Variants in ABCB5 observed in about 807,000 individuals in gnomAD.
The protein encoded by ABCB5 is ATP-binding cassette sub-family B member 5.
A neutral mutation model predicts 144.2 loss-of-function variants in ABCB5; 155 were observed. The ratio of observed to expected loss-of-function variants is 1.08; its 90% confidence interval spans 0.94 to 1.23. ABCB5 has a LOEUF of 1.23. ABCB5 is among the 50% of genes most tolerant of loss of function. The pLI, the probability that ABCB5 is intolerant of heterozygous loss-of-function variation, is 0.00. For missense variants in ABCB5, 1,830 were observed against 1,520.8 expected, an observed-to-expected ratio of 1.20 and a Z score of -3.38; for synonymous variants, 610 against 528.6, an observed-to-expected ratio of 1.15 and a Z score of -2.11.
At chr7:20,725,736 T>A (rs1782016554) in intron 21 of ABCB5, among the ~76,000 whole-genome samples, 2 of 152,202 alleles carry the variant, frequency 1.3e-5, no homozygotes, top group Non-Finnish European at 2.9e-5. Flanking sequence ...TTGTTTTTCC[T>A]CAAAATTTTT....
intron 14 of ABCB5, among the ~76,000 whole-genome samples, chr7:20,662,750 C>T (rs926679729): frequency 3.9e-5 from 6 of 152,154 alleles, no homozygotes; most frequent in African/African-American, 1.4e-4. Flanking sequence ...AATTCTAAGC[C>T]ACTAACTTCT....
chr7:20,751,587 T>A (rs1782932516), intron 26 of ABCB5, among the ~76,000 whole-genome samples: 1 of 152,250 alleles, frequency 6.6e-6, no homozygotes, highest in Non-Finnish European at 1.5e-5. Context: ...TGATTCCTAG[T>A]TTTGTATGTT....
chr7:20,743,064 A>G lies in ABCB5; in HGVS notation c.3212A>G (p.Gln1071Arg), dbSNP rs777408654. Residue 1071 changes from glutamine (Q) to arginine (R), a missense_variant, in exon 25 of 28, where the codon CAA becomes CGA. By Grantham distance (43) the Gln-to-Arg change is conservative (BLOSUM62 1). Coordinates refer to ENST00000404938, the MANE Select transcript of ABCB5 (RefSeq NM_001163941.2). ...CTGCAGAGACTTTATGACCCCGTGC[A>G]AGGACAAGTGGTAAGACAGAACTGA... is the stretch of plus-strand genomic sequence containing the variant. ...QLLQRLYDPVQGQVLFDGVDA... is the reference protein window; with the variant it reads ...QLLQRLYDPVRGQVLFDGVDA... 1 of 1,613,980 alleles carries G rather than the reference A, an allele frequency of 6.2e-7. No individual in the cohort carries two copies. Among genetic ancestry groups the G allele is most frequent in the South Asian group, 1.1e-5 (1 of 91,052 alleles).
chr7:20,721,880 G>A (rs75408338), intron 20 of ABCB5, among the ~76,000 whole-genome samples: 2,415 of 152,054 alleles, frequency 0.016, 61 homozygotes, highest in African/African-American at 0.055. Context: ...TTTACTCTCC[G>A]TGAAATAGAA....
At chr7:20,672,269 T>G (rs1008552722) in intron 14 of ABCB5, among the ~76,000 whole-genome samples, 21 of 152,186 alleles carry the variant, frequency 1.4e-4, no homozygotes, top group African/African-American at 5.1e-4. Context: ...GGCTTTCTAT[T>G]GTCTTAAGTG....
intron 14 of ABCB5, among the ~76,000 whole-genome samples, chr7:20,673,083 TA>T (rs1278787833): frequency 1.3e-5 from 2 of 152,186 alleles, no homozygotes; most frequent in East Asian, 1.9e-4. Context: ...ATTTTCCAGA[TA>T]TTTTTTCTGT....
rs575632118 is a variant in ABCB5 at position 20,733,268 on chromosome 7, T to G, written c.2867+4813T>G. On this transcript the variant is annotated intron_variant, in intron 23 of 27. Coordinates refer to ENST00000404938, the MANE Select transcript of ABCB5 (RefSeq NM_001163941.2). The stretch of plus-strand genomic sequence containing the variant: ...GTGAAATTATTTTTTAAATAATTCT[T>G]GCTTAGTTTTTCAAACATTCGAGTA... 3.3e-5 allele frequency among the ~76,000 whole-genome samples: 5 copies of G among 152,238 alleles called. No individual in the cohort carries two copies. In the South Asian group the frequency reaches 1.0e-3, roughly 32 times the overall value.
At chr7:20,682,200 T>C (rs2128039278) in intron 15 of ABCB5, among the ~76,000 whole-genome samples, 1 of 152,156 alleles carries the variant, frequency 6.6e-6, no homozygotes, top group African/African-American at 2.4e-5. Context: ...CGAGACTCCA[T>C]TTCAAAAAAA....
intron 26 of ABCB5, among the ~76,000 whole-genome samples, chr7:20,751,142 C>A (rs1336557461): frequency 1.3e-5 from 2 of 152,154 alleles, no homozygotes; most frequent in Non-Finnish European, 2.9e-5. Flanking sequence ...TATTAAGGAG[C>A]CATTACCCCT....
At chr7:20,741,522 T>C (rs1404811146) in intron 24 of ABCB5, among the ~76,000 whole-genome samples, 1 of 152,048 alleles carries the variant, frequency 6.6e-6, no homozygotes, top group Non-Finnish European at 1.5e-5. Flanking sequence ...TACACTAAAA[T>C]AAACGACTAC....
At chr7:20,629,185 T>TGTGTGTGTGTGG (rs1783977976) in intron 4 of ABCB5, among the ~76,000 whole-genome samples, 2 of 145,068 alleles carry the variant, frequency 1.4e-5, no homozygotes, top group South Asian at 4.3e-4. Flanking sequence ...TGTGTGTGTG[T>TGTGTGTGTGTGG]AAAGAGTGAG....
intron 1 of ABCB5, among the ~76,000 whole-genome samples, chr7:20,617,818 G>A (rs990472218): frequency 5.9e-5 from 9 of 152,270 alleles, no homozygotes; most frequent in South Asian, 4.1e-4. Flanking sequence ...AATGGTTATA[G>A]TAATATCCAG....
chr7:20,749,215 T>TCC (rs1268506967), intron 26 of ABCB5, among the ~76,000 whole-genome samples: 2 of 40,762 alleles, frequency 4.9e-5, no homozygotes, highest in African/African-American at 2.2e-4. Flanking sequence ...CCTCCCTCCC[T>TCC]CCCCCTCTCT....
chr7:20,687,008 T>C (rs1162237168), intron 16 of ABCB5, among the ~76,000 whole-genome samples: 1 of 152,214 alleles, frequency 6.6e-6, no homozygotes, highest in Non-Finnish European at 1.5e-5. Flanking sequence ...CAGACATTTT[T>C]CCTTTTCTGC....
intron 14 of ABCB5, chr7:20,660,201 G>C: frequency 1.0e-6 from 1 of 984,000 alleles, no homozygotes; most frequent in South Asian, 4.7e-5. Flanking sequence ...GAAAAAAGAA[G>C]AATGCAGAAT....
intron 16 of ABCB5, among the ~76,000 whole-genome samples, chr7:20,689,023 G>T (rs547729367): frequency 2.0e-5 from 3 of 152,006 alleles, no homozygotes; most frequent in Admixed American, 6.6e-5. Flanking sequence ...GGTAAATGAC[G>T]AGTTAATGGG....
chr7:20,715,260 G>A (rs999740986), intron 20 of ABCB5, among the ~76,000 whole-genome samples: 2 of 152,124 alleles, frequency 1.3e-5, no homozygotes, highest in Admixed American at 1.3e-4. Context: ...TGGCCAGGCT[G>A]GTTTTGAACT....
chr7:20,660,746 C>CAAAATATCCTGCA (rs1049805348), intron 14 of ABCB5, among the ~76,000 whole-genome samples: 1 of 152,128 alleles, frequency 6.6e-6, no homozygotes, highest in Non-Finnish European at 1.5e-5. Context: ...TTATGCTGCT[C>CAAAATATCCTGCA]AAAATATCCT....
intron 4 of ABCB5, among the ~76,000 whole-genome samples, chr7:20,631,056 G>A (rs1008788197): frequency 3.3e-5 from 5 of 152,084 alleles, no homozygotes; most frequent in Admixed American, 1.3e-4. Flanking sequence ...AGGATTATTC[G>A]TTCCTATAAA....
Sources: gnomAD v4.1 joint callset for allele counts (sites outside exome capture counted in the v4.1 genomes callset) on GRCh38, gnomAD v4.1.1 for gene constraint, MANE v1.5 for transcripts, NCBI Gene and HGNC (gene_info 2026-07-23, HGNC 2026-07-21) for gene names.